Variants in BMP3 observed in about 807,000 individuals in gnomAD.
BMP3 encodes the protein bone morphogenetic protein 3.
A neutral mutation model predicts 38.1 loss-of-function variants in BMP3; 23 were observed. The ratio of observed to expected loss-of-function variants is 0.60; its 90% CI spans 0.43 to 0.86. The LOEUF is 0.86. Ranked by LOEUF, BMP3 falls within the 40% of genes least tolerant of loss-of-function variation. The pLI is 0.00. For synonymous variants in BMP3, 258 were observed against 225.7 expected (o/e 1.14, Z -1.28); for missense variants, 628 against 579.6 (o/e 1.08, Z -0.86).
chr4:81,038,838 A>C (rs372969035), intron 1 of BMP3, among the ~76,000 whole-genome samples: 78 of 152,336 alleles, frequency 5.1e-4, no homozygotes, highest in African/African-American at 1.8e-3. Flanking sequence ...TAGGAATTCA[A>C]AGATCTATAG....
intron 2 of BMP3, 83 bp from the exon 3 acceptor site, chr4:81,053,262 T>G (rs760444708): frequency 4.0e-5 from 41 of 1,016,618 alleles, no homozygotes; most frequent in Non-Finnish European, 5.5e-5. Context: ...ATTCATTAGA[T>G]AAGCATTTTG....
At chr4:81,041,660 C>T (rs933612010) in intron 1 of BMP3, among the ~76,000 whole-genome samples, 2 of 152,186 alleles carry the variant, frequency 1.3e-5, no homozygotes, top group African/African-American at 4.8e-5. Flanking sequence ...ACTAGAACTT[C>T]AATAACTAAG....
At chr4:81,050,715 A>G (rs758469016) in intron 2 of BMP3, among the ~76,000 whole-genome samples, 2 of 152,168 alleles carry the variant, frequency 1.3e-5, no homozygotes, top group Non-Finnish European at 2.9e-5. Context: ...GAACTCCAAA[A>G]ACATTAAATC....
chr4:81,034,868 A>G lies in BMP3; in HGVS notation c.316+3268A>G, dbSNP rs539997389. 2.0e-5 allele frequency among the ~76,000 whole-genome samples: 3 copies of G among 152,270 alleles called. No individual in the cohort carries two copies. The South Asian group carries it at 6.2e-4, about 32-fold the overall frequency. ...CTTCGGCAAAGATAGTATATAACTA[A>G]GTGTTGAATGATCATCCCAATAGGA... On this transcript the variant is annotated intron_variant, in intron 1 of 2. Coordinates refer to ENST00000282701, the MANE Select transcript of BMP3 (RefSeq NM_001201.5).
chr4:81,041,197 A>G (rs1046675299), intron 1 of BMP3, among the ~76,000 whole-genome samples: 4 of 152,230 alleles, frequency 2.6e-5, no homozygotes, highest in Non-Finnish European at 4.4e-5. Context: ...TGCTATTTGC[A>G]GGAAGCCGTT....
intron 2 of BMP3, among the ~76,000 whole-genome samples, chr4:81,052,020 A>G (rs1401550495): frequency 6.6e-6 from 1 of 151,326 alleles, no homozygotes; most frequent in Non-Finnish European, 1.5e-5. Flanking sequence ...TTTTAAGAGT[A>G]TGCCTGCTTT....
At chr4:81,038,689 C>A (rs555430675) in intron 1 of BMP3, among the ~76,000 whole-genome samples, 24 of 152,286 alleles carry the variant, frequency 1.6e-4, no homozygotes, top group African/African-American at 5.8e-4. Context: ...ATTTTGGGAA[C>A]TTGAAATTAC....
intron 1 of BMP3, among the ~76,000 whole-genome samples, chr4:81,039,218 T>G (rs1740002135): frequency 6.6e-6 from 1 of 152,208 alleles, no homozygotes. Context: ...CCCTGGCATT[T>G]CTAGCAGCTG....
intron 1 of BMP3, among the ~76,000 whole-genome samples, chr4:81,034,996 G>C (rs1232365868): frequency 1.3e-5 from 2 of 152,072 alleles, no homozygotes; most frequent in East Asian, 1.9e-4. Context: ...ACCTTGAAGT[G>C]CCTGGCACCT....
In BMP3 at chr4:81,054,742, G is replaced by A. The variant is rs962411635; in HGVS notation, c.*1206G>A. On this transcript the variant is annotated 3_prime_UTR_variant, in exon 3 of 3. Coordinates refer to ENST00000282701, the MANE Select transcript of BMP3 (RefSeq NM_001201.5). ...GTTTGTCTTTGCTTTCCATTTCTAT[G>A]TGTCACATACATATATGTGTCCTCT... 1 of 152,118 alleles carries A rather than the reference G, an allele frequency of 6.6e-6. No individual in the cohort carries two copies. The highest frequency in any genetic ancestry group is 2.4e-5 in the African/African-American group (1 of 41,434). The allele number at this position is 152,118 out of a possible 1,614,324, so 9.4% of individuals were successfully genotyped here. A position where few individuals can be genotyped will look rare whatever the true frequency, so the allele number is the denominator to read the frequency against.
intron 1 of BMP3, among the ~76,000 whole-genome samples, chr4:81,042,922 G>A (rs1228135093): frequency 6.6e-6 from 1 of 152,168 alleles, no homozygotes; most frequent in African/African-American, 2.4e-5. Context: ...TGATGCCATG[G>A]CTTTGTTATA....
At chr4:81,050,827 C>T (rs1740383633) in intron 2 of BMP3, among the ~76,000 whole-genome samples, 3 of 152,044 alleles carry the variant, frequency 2.0e-5, no homozygotes, top group Admixed American at 2.0e-4. Flanking sequence ...CACAGATATG[C>T]ATTAGTAATT....
Position 81,045,797 on chromosome 4 carries a change from A to G in BMP3, c.376A>G (p.Asn126Asp). The G allele has an allele frequency of 6.2e-7, 1 of 1,613,578 alleles. No homozygotes were observed. The highest frequency in any genetic ancestry group is 8.5e-7 in the Non-Finnish European group (1 of 1,179,866). ...TCTGACATCGCTAACCAAGTCTGAA[A>G]ACATTTTGTCTGCCACACTGTATTT... ...FNLTSLTKSE[N>D]ILSATLYFCI... Residue 126 changes from asparagine to aspartate, a missense_variant, in exon 2 of 3, where the codon AAC becomes GAC. By Grantham distance (23) the Asn-to-Asp change is conservative. Transcript: ENST00000282701.
chr4:81,053,605 T>G lies in BMP3; in HGVS notation c.*69T>G. ...TATTTTTATGGACTTCTTCCTGTTT[T>G]TTTTTTTTTTTTTTTTGCACTGCCA... On this transcript the variant is annotated 3_prime_UTR_variant, in exon 3 of 3. Transcript: ENST00000282701. 1.4e-6 allele frequency: 1 copy of G among 689,862 alleles called. No individual in the cohort carries two copies. The highest frequency in any genetic ancestry group is 4.4e-5 in the South Asian group (1 of 22,920). The allele number at this position is 689,862 out of a possible 1,614,324, so 42.7% of individuals were successfully genotyped here. A position where few individuals can be genotyped will look rare whatever the true frequency, so the allele number is the denominator to read the frequency against.
At position 81,056,594 on chromosome 4, in the gene BMP3, A is replaced by T. The variant is rs548220710; in HGVS notation, c.*3058A>T. ...CTGCCAAAGTCAATTAGAATATTTT[A>T]AAAATACTTTGTTGTAACCTGTGTA... On this transcript the variant is annotated 3_prime_UTR_variant, in exon 3 of 3. Coordinates refer to ENST00000282701, the MANE Select transcript of BMP3 (RefSeq NM_001201.5). 2 of 152,754 alleles carry T rather than the reference A, an allele frequency of 1.3e-5. No homozygotes were observed. The highest frequency in any genetic ancestry group is 2.4e-5 in the African/African-American group (1 of 41,582). 9.5% of individuals were successfully genotyped at this position (152,754 alleles called of 1,614,324 possible).
chr4:81,048,746 G>A (rs1740327436), intron 2 of BMP3, among the ~76,000 whole-genome samples: 1 of 152,212 alleles, frequency 6.6e-6, no homozygotes, highest in African/African-American at 2.4e-5. Flanking sequence ...TGTTAGTGCA[G>A]AAGAATAATT....
intron 2 of BMP3, 146 bp from the exon 3 acceptor site, chr4:81,053,199 G>C (rs1230309441): frequency 2.1e-6 from 1 of 486,920 alleles, no homozygotes; most frequent in Non-Finnish European, 3.4e-6. Flanking sequence ...TGGGATAGGC[G>C]ATTGGGCTTA....
At chr4:81,033,556 T>A (rs2868126) in intron 1 of BMP3, among the ~76,000 whole-genome samples, 102,323 of 152,120 alleles carry the variant, frequency 0.67, 39,361 homozygotes, top group Non-Finnish European at 0.85. Flanking sequence ...TCTTAATGAC[T>A]TATTCATCAA....
At chr4:81,045,644 T>C (rs1366549449) in intron 1 of BMP3, 94 bp from the exon 2 acceptor site, 18 of 1,093,088 alleles carry the variant, frequency 1.6e-5, no homozygotes, top group African/African-American at 3.2e-5. Context: ...TTAGTTCTTA[T>C]ATATAGGTTT....
Sources: gnomAD v4.1 joint callset for allele counts (sites outside exome capture counted in the v4.1 genomes callset) on GRCh38, gnomAD v4.1.1 for gene constraint, MANE v1.5 for transcripts, NCBI Gene and HGNC (gene_info 2026-07-23, HGNC 2026-07-21) for gene names.